The following ERC2 variants were observed in gnomAD, a reference collection of about 807,000 sequenced individuals.
ERC2 encodes ERC protein 2.
ERC2 carries 42 observed loss-of-function variants against 114.8 expected under a neutral mutation model. That is an observed-to-expected ratio of 0.37 (90% CI 0.29 to 0.47). The LOEUF is 0.47. ERC2 is among the 20% of genes least tolerant of loss of function. ERC2 has a pLI of 0.99. For missense variants in ERC2, 939 were observed against 1,150.7 expected, an observed-to-expected ratio of 0.82 and a Z score of 2.66; for synonymous variants, 454 against 425.5, an observed-to-expected ratio of 1.07 and a Z score of -0.82.
At chr3:56,387,945 C>G (rs942903240) in intron 2 of ERC2, among the ~76,000 whole-genome samples, 1 of 152,158 alleles carries the variant, frequency 6.6e-6, no homozygotes, top group Non-Finnish European at 1.5e-5. Context: ...CTTCTTATTA[C>G]ACATTTGTAG....
intron 3 of ERC2, among the ~76,000 whole-genome samples, chr3:56,278,374 T>C (rs1477975307): frequency 2.0e-5 from 3 of 152,158 alleles, no homozygotes; most frequent in Non-Finnish European, 4.4e-5. Context: ...AGCTAAATAA[T>C]TGATCAATAC....
chr3:56,182,265 A>G (rs1040523106), intron 3 of ERC2, among the ~76,000 whole-genome samples: 25 of 152,288 alleles, frequency 1.6e-4, no homozygotes, highest in African/African-American at 5.8e-4. Flanking sequence ...ATGTCTGTGT[A>G]TATCATGGAG....
intron 13 of ERC2, among the ~76,000 whole-genome samples, chr3:55,936,522 T>C (rs2066456139): frequency 6.6e-6 from 1 of 152,092 alleles, no homozygotes; most frequent in Admixed American, 6.6e-5. Context: ...ACAAGAACTA[T>C]TAATTAGAAA....
intron 9 of ERC2, 120 bp from the exon 10 acceptor site, chr3:56,007,441 A>G: frequency 3.3e-6 from 3 of 911,404 alleles, no homozygotes; most frequent in Non-Finnish European, 4.9e-6. Context: ...AAGGGTAAAT[A>G]TAATCTTACT....
chr3:56,257,925 ATAAT>A (rs2052630012), intron 3 of ERC2, among the ~76,000 whole-genome samples: 1 of 152,198 alleles, frequency 6.6e-6, no homozygotes, highest in African/African-American at 2.4e-5. Flanking sequence ...CACAATGGAG[ATAAT>A]TAGACATATT....
intron 14 of ERC2, among the ~76,000 whole-genome samples, chr3:55,740,858 C>T (rs1308380675): frequency 1.3e-5 from 2 of 152,132 alleles, no homozygotes; most frequent in South Asian, 2.1e-4. Flanking sequence ...ATCCAAAGTA[C>T]TCCAAAATCC....
At chr3:56,386,613 A>G (rs894865389) in intron 2 of ERC2, among the ~76,000 whole-genome samples, 12 of 152,000 alleles carry the variant, frequency 7.9e-5, no homozygotes, top group African/African-American at 2.4e-4. Flanking sequence ...TCCCCAAGTC[A>G]TTCTGATTAT....
intron 2 of ERC2, among the ~76,000 whole-genome samples, chr3:56,331,621 A>G (rs1180319143): frequency 2.6e-5 from 4 of 151,638 alleles, no homozygotes; most frequent in Non-Finnish European, 5.9e-5. Context: ...AGGACGTTCA[A>G]ACACATTTTA....
intron 17 of ERC2, among the ~76,000 whole-genome samples, chr3:55,679,403 C>G (rs1429138357): frequency 6.6e-6 from 1 of 152,168 alleles, no homozygotes; most frequent in African/African-American, 2.4e-5. Flanking sequence ...TAAGTAGGTT[C>G]CTCAAGTTAA....
intron 7 of ERC2, among the ~76,000 whole-genome samples, chr3:56,044,239 C>T (rs1264495851): frequency 6.6e-6 from 1 of 152,112 alleles, no homozygotes; most frequent in Non-Finnish European, 1.5e-5. Flanking sequence ...TTTTGGGAAA[C>T]ATTTTTTCAA....
At chr3:55,635,732 A>T (rs2148640071) in intron 17 of ERC2, among the ~76,000 whole-genome samples, 1 of 152,016 alleles carries the variant, frequency 6.6e-6, no homozygotes, top group East Asian at 2.0e-4. Flanking sequence ...CTAGAGTTCA[A>T]GTTTAGAAAC....
intron 17 of ERC2, among the ~76,000 whole-genome samples, chr3:55,529,808 C>G (rs770592848): frequency 1.2e-4 from 18 of 152,182 alleles, no homozygotes; most frequent in Non-Finnish European, 2.4e-4. Flanking sequence ...TATTGACAAT[C>G]AAATGCAGAA....
chr3:55,582,073 C>T (rs545985518), intron 17 of ERC2, among the ~76,000 whole-genome samples: 1 of 152,312 alleles, frequency 6.6e-6, no homozygotes, highest in Admixed American at 6.5e-5. Flanking sequence ...GAACACTCTT[C>T]ACTTTTCCTG....
rs1406026072 is a variant in ERC2, at chr3:55,592,796, GCC to G, written c.*40-81522_*40-81521del. 1.2e-4 allele frequency among the ~76,000 whole-genome samples: 19 copies of G among 152,242 alleles called. No individual in the cohort carries two copies. The South Asian group carries it at 3.9e-3, about 32-fold the overall frequency. ...CTCTAGGTAGTTAAAACAGCAGAAA[GCC>G]CCCACGCAGATCTGCTGAAAGTATC... On this transcript the variant is annotated intron_variant, in intron 17 of 17. Coordinates refer to ENST00000288221, the MANE Select transcript of ERC2 (RefSeq NM_015576.3).
intron 3 of ERC2, among the ~76,000 whole-genome samples, chr3:56,295,061 G>T (rs868491973): frequency 1.3e-5 from 2 of 152,164 alleles, no homozygotes; most frequent in African/African-American, 4.8e-5. Context: ...CATGTCTTCC[G>T]ACCAACCAAA....
At chr3:56,033,074 AAGAAAG>A (rs1422078366) in intron 7 of ERC2, among the ~76,000 whole-genome samples, 1 of 138,340 alleles carries the variant, frequency 7.2e-6, no homozygotes, top group Non-Finnish European at 1.6e-5. Flanking sequence ...GAAAGAAAGA[AAGAAAG>A]AAAGAAAAGT....
intron 2 of ERC2, among the ~76,000 whole-genome samples, chr3:56,388,544 C>T (rs2060017132): frequency 6.6e-6 from 1 of 152,140 alleles, no homozygotes; most frequent in African/African-American, 2.4e-5. Flanking sequence ...TGTTTCTTTA[C>T]AGCAATGCAG....
intron 15 of ERC2, among the ~76,000 whole-genome samples, chr3:55,719,582 C>A (rs187569503): frequency 6.6e-6 from 1 of 152,174 alleles, no homozygotes; most frequent in South Asian, 2.1e-4. Flanking sequence ...ATTTTTCATC[C>A]ATACTTGCCA....
At chr3:56,081,965 T>C (rs1368628424) in intron 6 of ERC2, among the ~76,000 whole-genome samples, 1 of 152,212 alleles carries the variant, frequency 6.6e-6, no homozygotes, top group African/African-American at 2.4e-5. Flanking sequence ...TGAAGGATTA[T>C]TGTCCTTAAT....
Sources: gnomAD v4.1 joint callset for allele counts (sites outside exome capture counted in the v4.1 genomes callset) on GRCh38, gnomAD v4.1.1 for gene constraint, MANE v1.5 for transcripts, NCBI Gene and HGNC (gene_info 2026-07-23, HGNC 2026-07-21) for gene names.